Variants in NAV3 observed in about 807,000 individuals in gnomAD.
NAV3 encodes the protein pore membrane and/or filament interacting like protein 1.
In NAV3, 87 loss-of-function variants were observed where a neutral mutation model predicts 244.7. That is an observed-to-expected ratio of 0.36 (90% CI 0.30 to 0.42). The LOEUF is 0.42. Ranked by LOEUF, NAV3 falls within the 20% of genes least tolerant of loss-of-function variation. The probability of loss-of-function intolerance (pLI) is 1.00; values close to 1 mark genes in which losing one functional copy is unlikely to be tolerated. For missense variants in NAV3, 2,663 were observed against 2,893.3 expected (o/e 0.92, Z 1.83); for synonymous variants, 1,126 against 1,042.2 (o/e 1.08, Z -1.55).
chr12:77,940,225 T>C (rs1361890140), intron 1 of NAV3, 94 bp from the exon 2 acceptor site: 3 of 868,280 alleles, frequency 3.5e-6, no homozygotes, highest in Non-Finnish European at 5.6e-6. Context: ...TGATCCAGAA[T>C]AGCTTCCCTT....
chr12:78,061,070 C>CCAGCAGCAG (rs575608692), intron 12 of NAV3, among the ~76,000 whole-genome samples: 1 of 151,768 alleles, frequency 6.6e-6, no homozygotes, highest in African/African-American at 2.4e-5. Context: ...GGTACCTGGA[C>CCAGCAGCAG]CAGCAGCAGC....
chr12:77,870,762 A>G (rs117880379), intron 1 of NAV3, among the ~76,000 whole-genome samples: 1 of 152,352 alleles, frequency 6.6e-6, no homozygotes, highest in African/African-American at 2.4e-5. Flanking sequence ...CATGAGGATC[A>G]TATAAACTGA....
At chr12:77,690,881 T>C (rs1266767291) in intron 2 of NAV3, among the ~76,000 whole-genome samples, 5 of 117,180 alleles carry the variant, frequency 4.3e-5, no homozygotes, top group Admixed American at 1.9e-4. Flanking sequence ...AACAATTTTC[T>C]AAGTTTCTGA....
chr12:78,127,852 TAA>T (rs1348325797), intron 17 of NAV3, among the ~76,000 whole-genome samples: 1 of 131,850 alleles, frequency 7.6e-6, no homozygotes, highest in African/African-American at 2.8e-5. Context: ...ATCTAATATT[TAA>T]TAATCTCAAA....
Position 78,006,459 on chromosome 12 carries a change from T to C in NAV3, c.921T>C (p.Gly307=). Reference sequence around the variant, plus strand: ...CTCAATCGTCTTCAGGTGTAAATGGTAACGTGCAGCCTCCCAGTACTGCTG... The same window carrying C: ...CTCAATCGTCTTCAGGTGTAAATGGCAACGTGCAGCCTCCCAGTACTGCTG... The part of the protein sequence containing the change: ...KGPQSSSGVN[G]NVQPPSTAGQ... The change falls in exon 8 of 40, where the codon GGT becomes GGC. Residue 307 remains glycine (G), a synonymous_variant. Transcript: ENST00000397909. The C allele has an allele frequency of 1.2e-6, 2 of 1,614,084 alleles. No homozygotes were observed. The highest frequency in any genetic ancestry group is 1.7e-6 in the Non-Finnish European group (2 of 1,179,978).
At chr12:78,201,269 G>A (rs557796200) in intron 38 of NAV3, among the ~76,000 whole-genome samples, 18 of 151,632 alleles carry the variant, frequency 1.2e-4, no homozygotes, top group African/African-American at 3.1e-4. Flanking sequence ...ACATGGTCTC[G>A]CTAGGTTGCT....
At chr12:77,760,097 G>C (rs1034207310) in intron 2 of NAV3, among the ~76,000 whole-genome samples, 2 of 152,208 alleles carry the variant, frequency 1.3e-5, no homozygotes, top group African/African-American at 4.8e-5. Flanking sequence ...TCTGGTGTTA[G>C]AATATGCTTG....
intron 3 of NAV3, among the ~76,000 whole-genome samples, chr12:77,959,353 GT>G (rs1891660187): frequency 2.0e-5 from 3 of 152,062 alleles, no homozygotes; most frequent in South Asian, 4.2e-4. Context: ...TGGGAACTGA[GT>G]TTACTGGGAT....
intron 12 of NAV3, among the ~76,000 whole-genome samples, chr12:78,077,969 A>T (rs167276): frequency 0.065 from 9,839 of 152,124 alleles, 331 homozygotes; most frequent in Admixed American, 0.081. Context: ...ATATTGTCTC[A>T]CCCTTCTGGA....
intron 1 of NAV3, among the ~76,000 whole-genome samples, chr12:77,881,088 T>C (rs933519684): frequency 6.6e-6 from 1 of 152,200 alleles, no homozygotes; most frequent in Non-Finnish European, 1.5e-5. Context: ...TAGCCCAGCA[T>C]GACTGTGTCT....
chr12:78,025,308 A>G (rs1279575329), intron 9 of NAV3, among the ~76,000 whole-genome samples: 1 of 151,876 alleles, frequency 6.6e-6, no homozygotes, highest in Non-Finnish European at 1.5e-5. Flanking sequence ...TTGAAATTTG[A>G]TTTCCTTGGC....
chr12:77,913,972 CTT>C lies in NAV3; in HGVS notation c.244-26338_244-26337del, dbSNP rs5799357. Among the ~76,000 whole-genome samples the C allele has an allele frequency of 1.1e-3, 168 of 150,468 alleles. 1 individual carries two copies. Among genetic ancestry groups the C allele is most frequent in the African/African-American group, 3.8e-3 (158 of 41,118 alleles). ...ATAGTTTCATTGAATGTTGACTGTC[CTT>C]TTTTTTTTCTTTATTCTTTGTGGAT... On this transcript the variant is annotated intron_variant, in intron 1 of 39. Transcript: ENST00000397909.
At chr12:77,604,642 G>T (rs1398500872) in intron 2 of NAV3, among the ~76,000 whole-genome samples, 1 of 151,882 alleles carries the variant, frequency 6.6e-6, no homozygotes, top group Non-Finnish European at 1.5e-5. Context: ...GCACTGAACT[G>T]TAGGTTTCTT....
At chr12:78,063,032 G>A (rs1884528085) in intron 12 of NAV3, among the ~76,000 whole-genome samples, 1 of 152,150 alleles carries the variant, frequency 6.6e-6, no homozygotes, top group Non-Finnish European at 1.5e-5. Flanking sequence ...TTGTTATAGT[G>A]AAGGCTATAG....
At chr12:77,773,073 A>G (rs1440255729) in intron 2 of NAV3, among the ~76,000 whole-genome samples, 1 of 152,192 alleles carries the variant, frequency 6.6e-6, no homozygotes, top group African/African-American at 2.4e-5. Flanking sequence ...GCTCTCATTG[A>G]CTACAAGAAC....
At chr12:77,761,516 G>C (rs1276481352) in intron 2 of NAV3, among the ~76,000 whole-genome samples, 4 of 152,124 alleles carry the variant, frequency 2.6e-5, no homozygotes, top group Admixed American at 1.3e-4. Flanking sequence ...GAAAATTTTC[G>C]CAATCTATCC....
intron 9 of NAV3, among the ~76,000 whole-genome samples, chr12:78,022,964 C>T (rs1325663462): frequency 6.6e-6 from 1 of 152,164 alleles, no homozygotes; most frequent in African/African-American, 2.4e-5. Context: ...TGCCAAGACA[C>T]AGATATAGGG....
At chr12:77,844,552 A>G (rs1876292197) in intron 1 of NAV3, among the ~76,000 whole-genome samples, 1 of 152,238 alleles carries the variant, frequency 6.6e-6, no homozygotes, top group East Asian at 1.9e-4. Context: ...TAGGGATAAT[A>G]CAATGTAGTT....
chr12:78,154,263 T>C (rs927989021), intron 22 of NAV3, among the ~76,000 whole-genome samples: 1 of 143,284 alleles, frequency 7.0e-6, no homozygotes, highest in African/African-American at 2.5e-5. Flanking sequence ...CTATATAATA[T>C]ATAGTATATA....
Sources: allele counts gnomAD v4.1 joint callset (sites outside exome capture counted in the v4.1 genomes callset), GRCh38; gene constraint gnomAD v4.1.1; transcripts MANE v1.5; gene names NCBI Gene and HGNC (gene_info 2026-07-23, HGNC 2026-07-21).